The following SYT16 variants were observed in gnomAD, a reference collection of about 807,000 sequenced individuals.
The protein encoded by SYT16 is synaptotagmin 16.
Under a neutral mutation model 61.4 loss-of-function variants are expected in SYT16, and 42 were observed. The observed-to-expected ratio is 0.68, with a 90% CI of 0.53 to 0.89. The LOEUF is 0.89. Among genes scored for constraint, SYT16 ranks in the 40% least tolerant of loss-of-function variants. SYT16 has a pLI of 0.00. For synonymous variants in SYT16, 314 were observed against 302.3 expected, an observed-to-expected ratio of 1.04 and a Z score of -0.40; for missense variants, 804 against 807.3, an observed-to-expected ratio of 1.00 and a Z score of 0.05.
rs770156483 is a variant in SYT16 at position 62,081,154 on chromosome 14, C to T, written c.1314C>T (p.Tyr438=). The change falls in exon 6 of 8, where the codon TAC becomes TAT. Residue 438 remains tyrosine (Y), a synonymous_variant. Transcript: ENST00000683842. ...VAACAVRFRL[Y]AARKMTRERM... ...CCTGTGCTGTCCGCTTCCGCCTGTACGCTGCCCGGAAGATGACCCGAGAGA... is the reference window on the plus strand; with the variant it reads ...CCTGTGCTGTCCGCTTCCGCCTGTATGCTGCCCGGAAGATGACCCGAGAGA... The T allele has an allele frequency of 1.2e-4, 187 of 1,613,814 alleles. No individual in the cohort carries two copies. The highest frequency in any genetic ancestry group is 4.0e-4 in the East Asian group (18 of 44,892).
At chr14:62,049,983 G>A (rs1177476061) in intron 3 of SYT16, among the ~76,000 whole-genome samples, 9 of 152,124 alleles carry the variant, frequency 5.9e-5, no homozygotes, top group South Asian at 2.1e-4. Flanking sequence ...TATCTTTGTG[G>A]CATTCTCTGT....
At chr14:62,033,050 G>A in intron 3 of SYT16, among the ~76,000 whole-genome samples, 1 of 150,672 alleles carries the variant, frequency 6.6e-6, no homozygotes, top group Non-Finnish European at 1.5e-5. Flanking sequence ...AGTTCAGTTA[G>A]CATACTAAAC....
chr14:62,070,062 T>G (rs1010598741), intron 4 of SYT16, among the ~76,000 whole-genome samples: 1 of 152,188 alleles, frequency 6.6e-6, no homozygotes, highest in African/African-American at 2.4e-5. Flanking sequence ...CCCCTTCCCT[T>G]TCTTTCTTAT....
intron 7 of SYT16, among the ~76,000 whole-genome samples, chr14:62,092,598 A>G (rs2057123784): frequency 6.6e-6 from 1 of 151,778 alleles, no homozygotes; most frequent in Non-Finnish European, 1.5e-5. Context: ...AACCTTGAGG[A>G]CATTATGTTA....
chr14:62,017,800 A>G (rs2053751294), intron 3 of SYT16, among the ~76,000 whole-genome samples: 1 of 151,254 alleles, frequency 6.6e-6, no homozygotes, highest in East Asian at 2.0e-4. Flanking sequence ...AGCTCACGGC[A>G]GCCTTGAGCT....
intron 7 of SYT16, among the ~76,000 whole-genome samples, chr14:62,094,084 T>C (rs951324780): frequency 1.3e-5 from 2 of 152,100 alleles, no homozygotes; most frequent in Non-Finnish European, 2.9e-5. Context: ...ATAACCATGA[T>C]TGAAGGTGAC....
intron 1 of SYT16, among the ~76,000 whole-genome samples, chr14:61,912,572 A>C (rs191652833): frequency 6.6e-6 from 1 of 152,318 alleles, no homozygotes; most frequent in African/African-American, 2.4e-5. Context: ...TTTATTTCCC[A>C]GTGGCCCTAA....
intron 1 of SYT16, among the ~76,000 whole-genome samples, chr14:61,831,022 C>T (rs2045921304): frequency 2.0e-5 from 3 of 152,346 alleles, no homozygotes; most frequent in South Asian, 2.1e-4. Context: ...TCCTCTTCCA[C>T]GTCCTTTGGC....
At chr14:61,965,974 C>T (rs1161829314) in intron 1 of SYT16, among the ~76,000 whole-genome samples, 1 of 151,798 alleles carries the variant, frequency 6.6e-6, no homozygotes, top group African/African-American at 2.4e-5. Flanking sequence ...ATTCTGTTGC[C>T]CACAGAGTAA....
At chr14:61,851,368 C>T (rs1028508236) in intron 1 of SYT16, among the ~76,000 whole-genome samples, 1 of 152,172 alleles carries the variant, frequency 6.6e-6, no homozygotes, top group Non-Finnish European at 1.5e-5. Flanking sequence ...CTGCAATGAA[C>T]ATACGTATGC....
chr14:62,059,713 T>A (rs1174659792), intron 3 of SYT16, among the ~76,000 whole-genome samples: 1 of 136,222 alleles, frequency 7.3e-6, no homozygotes, highest in African/African-American at 3.2e-5. Context: ...CATATAATTT[T>A]TATATATGTA....
chr14:62,061,248 G>C (rs548981864), intron 3 of SYT16, among the ~76,000 whole-genome samples: 1 of 152,114 alleles, frequency 6.6e-6, no homozygotes, highest in East Asian at 1.9e-4. Context: ...ATGAAAATAG[G>C]TATAGCCAAA....
At chr14:61,814,459 T>C (rs898364075) in intron 1 of SYT16, among the ~76,000 whole-genome samples, 1 of 152,226 alleles carries the variant, frequency 6.6e-6, no homozygotes, top group Non-Finnish European at 1.5e-5. Context: ...TGTTCTGCTA[T>C]TTACTTTCTT....
chr14:61,847,997 G>C (rs929446179), intron 1 of SYT16, among the ~76,000 whole-genome samples: 1 of 152,162 alleles, frequency 6.6e-6, no homozygotes, highest in African/African-American at 2.4e-5. Context: ...CCTCAAAACA[G>C]CTATTGGATT....
chr14:62,030,518 C>G (rs979239849), intron 3 of SYT16, among the ~76,000 whole-genome samples: 3 of 152,190 alleles, frequency 2.0e-5, no homozygotes, highest in African/African-American at 7.2e-5. Context: ...CTACACCAGT[C>G]CAAATCCCAT....
At chr14:61,882,285 A>T (rs1004417533) in intron 1 of SYT16, among the ~76,000 whole-genome samples, 1 of 152,214 alleles carries the variant, frequency 6.6e-6, no homozygotes, top group Non-Finnish European at 1.5e-5. Flanking sequence ...TTTATAGTTA[A>T]TTTTAATATC....
At chr14:61,868,521 T>C (rs2047231206) in intron 1 of SYT16, among the ~76,000 whole-genome samples, 1 of 151,962 alleles carries the variant, frequency 6.6e-6, no homozygotes, top group South Asian at 2.1e-4. Context: ...TTTTTATTCA[T>C]TTCAAAAAAT....
intron 3 of SYT16, among the ~76,000 whole-genome samples, chr14:62,008,631 CTTTT>C (rs374026559): frequency 9.6e-5 from 13 of 134,920 alleles, no homozygotes; most frequent in Non-Finnish European, 1.1e-4. Flanking sequence ...TTTCTGTTTT[CTTTT>C]TTTTTTTTTT....
At chr14:61,991,641 T>C (rs76937918) in intron 2 of SYT16, among the ~76,000 whole-genome samples, 5,988 of 152,268 alleles carry the variant, frequency 0.039, 131 homozygotes, top group African/African-American at 0.05. Flanking sequence ...TTGAGTATTT[T>C]AGAATATAGC....
Sources: gnomAD v4.1 joint callset for allele counts (sites outside exome capture counted in the v4.1 genomes callset) on GRCh38, gnomAD v4.1.1 for gene constraint, MANE v1.5 for transcripts, NCBI Gene and HGNC (gene_info 2026-07-23, HGNC 2026-07-21) for gene names.